The following ARFIP1 variants were observed in gnomAD, a reference collection of about 807,000 sequenced individuals.
The protein encoded by ARFIP1 is arfaptin-1.
In ARFIP1, 24 loss-of-function variants were observed where a neutral mutation model predicts 42.5. That is an observed-to-expected ratio of 0.57 (90% CI 0.41 to 0.80). The LOEUF is 0.80. Among genes scored for constraint, ARFIP1 ranks in the 30% least tolerant of loss-of-function variants. The probability of loss-of-function intolerance (pLI) is 0.00; values close to 1 mark genes in which losing one functional copy is unlikely to be tolerated. For missense variants in ARFIP1, 354 were observed against 434.0 expected (o/e 0.82, Z 1.64); for synonymous variants, 141 against 153.7 (o/e 0.92, Z 0.61).
intron 2 of ARFIP1, among the ~76,000 whole-genome samples, chr4:152,850,245 G>A (rs774468114): frequency 3.3e-5 from 5 of 152,070 alleles, no homozygotes; most frequent in Non-Finnish European, 4.4e-5. Flanking sequence ...TTTAATGATC[G>A]GTGAAAACTT....
At chr4:152,846,748 A>G (rs1282385147) in intron 2 of ARFIP1, among the ~76,000 whole-genome samples, 1 of 152,162 alleles carries the variant, frequency 6.6e-6, no homozygotes, top group Non-Finnish European at 1.5e-5. Flanking sequence ...GAGGTACTTT[A>G]CTTATATACA....
intron 8 of ARFIP1, among the ~76,000 whole-genome samples, chr4:152,900,660 A>G (rs948673914): frequency 4.6e-5 from 7 of 152,130 alleles, no homozygotes; most frequent in Non-Finnish European, 1.0e-4. Flanking sequence ...AACCTAATAA[A>G]AGGCCAAGGC....
intron 8 of ARFIP1, among the ~76,000 whole-genome samples, chr4:152,902,045 T>A (rs926794286): frequency 8.5e-5 from 13 of 152,210 alleles, no homozygotes; most frequent in Non-Finnish European, 1.9e-4. Flanking sequence ...TGCCCATGAA[T>A]AGAAGCAGAT....
At chr4:152,781,738 T>C (rs1471615238) in intron 1 of ARFIP1, among the ~76,000 whole-genome samples, 2 of 152,248 alleles carry the variant, frequency 1.3e-5, no homozygotes, top group African/African-American at 4.8e-5. Flanking sequence ...TAATGTATTT[T>C]GTGGATTAAA....
intron 2 of ARFIP1, among the ~76,000 whole-genome samples, chr4:152,847,014 G>A (rs1388477507): frequency 6.6e-6 from 1 of 150,830 alleles, no homozygotes; most frequent in Non-Finnish European, 1.5e-5. Context: ...GAGAGGCCCT[G>A]GTTAGCTTTA....
Position 152,907,199 on chromosome 4 carries a change from G to T in ARFIP1, c.967-2865G>T, listed in dbSNP as rs116228956. ...AGAAGTGCCTGACACATAACAGTAT[G>T]ACCCTGTGTAATATTTATTATATGA... On this transcript the variant is annotated intron_variant, in intron 8 of 8. Coordinates refer to ENST00000353617, the MANE Select transcript of ARFIP1 (RefSeq NM_001025595.3). 5.9e-3 allele frequency among the ~76,000 whole-genome samples: 894 copies of T among 152,246 alleles called. 19 individuals are homozygous for T. Among genetic ancestry groups the T allele is most frequent in the African/African-American group, 0.021 (858 of 41,538 alleles).
intron 8 of ARFIP1, among the ~76,000 whole-genome samples, chr4:152,889,973 C>T (rs956006369): frequency 1.4e-5 from 2 of 143,942 alleles, no homozygotes; most frequent in African/African-American, 5.1e-5. Context: ...ATATTTTAGT[C>T]ATATATATTT....
intron 1 of ARFIP1, among the ~76,000 whole-genome samples, chr4:152,787,219 C>T (rs888464859): frequency 1.3e-5 from 2 of 152,124 alleles, no homozygotes; most frequent in African/African-American, 4.8e-5. Context: ...TTTTGTAATA[C>T]AAGAATTTGA....
intron 1 of ARFIP1, among the ~76,000 whole-genome samples, chr4:152,799,163 ATAAT>A (rs1295964686): frequency 1.3e-5 from 2 of 152,228 alleles, no homozygotes; most frequent in Non-Finnish European, 2.9e-5. Flanking sequence ...ATTTTGCCAA[ATAAT>A]TTTTCTGAAT....
intron 2 of ARFIP1, among the ~76,000 whole-genome samples, chr4:152,844,489 A>G (rs1017848136): frequency 6.6e-6 from 1 of 152,052 alleles, no homozygotes; most frequent in African/African-American, 2.4e-5. Context: ...TTTAAATTAA[A>G]TTCTCTTTTT....
chr4:152,884,884 T>C (rs1406031438), intron 7 of ARFIP1, among the ~76,000 whole-genome samples: 1 of 152,066 alleles, frequency 6.6e-6, no homozygotes, highest in Non-Finnish European at 1.5e-5. Flanking sequence ...TTTGGAACTT[T>C]TGAACAAAAT....
chr4:152,797,373 G>A (rs1352685743), intron 1 of ARFIP1, among the ~76,000 whole-genome samples: 1 of 152,116 alleles, frequency 6.6e-6, no homozygotes, highest in Non-Finnish European at 1.5e-5. Context: ...GTTTTTTGGT[G>A]TTGTAGTGTT....
chr4:152,859,508 C>A (rs1403945245), intron 2 of ARFIP1, among the ~76,000 whole-genome samples: 1 of 152,148 alleles, frequency 6.6e-6, no homozygotes, highest in Non-Finnish European at 1.5e-5. Context: ...AGCTTGTAGT[C>A]TTTTGAGGAT....
intron 5 of ARFIP1, among the ~76,000 whole-genome samples, chr4:152,875,826 T>C (rs1471583472): frequency 6.6e-6 from 1 of 152,004 alleles, no homozygotes; most frequent in East Asian, 1.9e-4. Context: ...TCCCATGAGT[T>C]GTGGGAGGGA....
intron 2 of ARFIP1, among the ~76,000 whole-genome samples, chr4:152,844,527 C>T (rs989505891): frequency 6.6e-6 from 1 of 151,256 alleles, no homozygotes; most frequent in South Asian, 2.1e-4. Flanking sequence ...TATTTTACTT[C>T]CTATTGGAAG....
chr4:152,835,066 C>T (rs1392551585), intron 2 of ARFIP1, among the ~76,000 whole-genome samples: 1 of 152,186 alleles, frequency 6.6e-6, no homozygotes, highest in Middle Eastern at 3.2e-3. Context: ...GTCCCAAAGA[C>T]TTCTGAAATG....
chr4:152,841,999 G>C (rs992397765), intron 2 of ARFIP1, among the ~76,000 whole-genome samples: 1 of 152,186 alleles, frequency 6.6e-6, no homozygotes, highest in Non-Finnish European at 1.5e-5. Flanking sequence ...CCTGTTGAGA[G>C]CGGGGACTGA....
chr4:152,901,769 A>G, intron 8 of ARFIP1, among the ~76,000 whole-genome samples: 1 of 152,364 alleles, frequency 6.6e-6, no homozygotes, highest in East Asian at 1.9e-4. Flanking sequence ...TACTCTGTAA[A>G]TATGGGAAGA....
intron 7 of ARFIP1, among the ~76,000 whole-genome samples, chr4:152,884,071 A>G (rs1736076223): frequency 1.3e-5 from 2 of 151,978 alleles, no homozygotes; most frequent in African/African-American, 4.8e-5. Context: ...ATCATTTTGA[A>G]AAGTTAATTT....
Sources: allele counts gnomAD v4.1 joint callset (sites outside exome capture counted in the v4.1 genomes callset), GRCh38; gene constraint gnomAD v4.1.1; transcripts MANE v1.5; gene names NCBI Gene and HGNC (gene_info 2026-07-23, HGNC 2026-07-21).